The following TLK2 variants were observed in gnomAD, a reference collection of about 807,000 sequenced individuals.
TLK2 encodes tousled like kinase 2, also known as serine/threonine-protein kinase tousled-like 2.
Under a neutral mutation model 117.3 loss-of-function variants are expected in TLK2, and 6 were observed. That is an observed-to-expected ratio of 0.05 (90% CI 0.03 to 0.10). The LOEUF is 0.10. Ranked by LOEUF, TLK2 falls within the 10% of genes least tolerant of loss-of-function variation. The pLI is 1.00. For synonymous variants in TLK2, 257 were observed against 316.7 expected (o/e 0.81, Z 2.00); for missense variants, 299 against 901.2 (o/e 0.33, Z 8.56).
chr17:62,594,789 TACACACACACACACACACACACACACAC>T (rs143695451), intron 16 of TLK2, among the ~76,000 whole-genome samples: 1 of 145,422 alleles, frequency 6.9e-6, no homozygotes. Context: ...GCAGGGCGGG[TACACACACACACACACACACACACACAC>T]ACACACACAC....
At chr17:62,568,767 TAG>T (rs1339803894) in intron 11 of TLK2, among the ~76,000 whole-genome samples, 4 of 151,888 alleles carry the variant, frequency 2.6e-5, no homozygotes, top group Non-Finnish European at 5.9e-5. Context: ...GTATTTTTAG[TAG>T]AGACGGGGTT....
At chr17:62,585,523 G>GCGAGACTC (rs2081549565) in intron 15 of TLK2, 1 of 152,398 alleles carries the variant, frequency 6.6e-6, no homozygotes, top group Non-Finnish European at 1.5e-5. Flanking sequence ...GGGCGACAGA[G>GCGAGACTC]CGAGACTCCG....
rs534202077 is a variant in TLK2, at chr17:62,540,400, A to ATT, written c.531+4085_531+4086dup. 2.4e-3 allele frequency among the ~76,000 whole-genome samples: 48 copies of ATT among 19,988 alleles called. 7 individuals carry two copies. In the East Asian group the frequency reaches 0.11, roughly 44 times the overall value. 13.1% of individuals were successfully genotyped at this position (19,988 alleles called of 152,430 possible). The stretch of plus-strand genomic sequence containing the variant: ...ATTTTACCTTCAAAATATGTTCAGA[A>ATT]TTTTTTTTTTTTTTTTTTTTTTTGA... On this transcript the variant is annotated intron_variant, in intron 7 of 21. Transcript: ENST00000346027.
chr17:62,504,978 G>C (rs2074546922), intron 2 of TLK2, among the ~76,000 whole-genome samples: 1 of 152,060 alleles, frequency 6.6e-6, no homozygotes, highest in Admixed American at 6.6e-5. Context: ...TGAATAGCTG[G>C]GACTACAGGC....
In TLK2 at chr17:62,600,593, G is replaced by A. The variant is rs560266696; in HGVS notation, c.1551-58G>A. On this transcript the variant is annotated intron_variant, in intron 17 of 21. Coordinates refer to ENST00000346027, the MANE Select transcript of TLK2 (RefSeq NM_006852.6). ...AAGTTTTCACATGGGACTAATTTAG[G>A]TAGTGTTAATCTGCTTGCTCTTATT... The A allele has an allele frequency of 1.6e-3, 2,256 of 1,450,904 alleles. 56 individuals are homozygous for A. In the South Asian group the frequency reaches 0.03, roughly 19 times the overall value. 89.9% of individuals were successfully genotyped at this position (1,450,904 alleles called of 1,614,324 possible).
rs2078240622 is a variant in TLK2 at position 62,549,419 on chromosome 17, A to AAAAAAAAAAAAAAAAAAGT, written c.532-2866_532-2865insGTAAAAAAAAAAAAAAAAA. Reference sequence around the variant, plus strand: ...ATCTCAAAAAAAAAAAAAAAAAAAAAAAAAAAAAAAAAAAAAAATAGAAAC... The same window carrying AAAAAAAAAAAAAAAAAAGT: ...ATCTCAAAAAAAAAAAAAAAAAAAAAAAAAAAAAAAAAAAAAAGTAAAAAAAAAAAAAAAAAATAGAAAC... On this transcript the variant is annotated intron_variant, in intron 7 of 21. Transcript: ENST00000346027. 6.4e-4 allele frequency among the ~76,000 whole-genome samples: 5 copies of AAAAAAAAAAAAAAAAAAGT among 7,760 alleles called. 1 individual carries two copies. The highest frequency in any genetic ancestry group is 9.6e-4 in the Non-Finnish European group (2 of 2,094). The allele number at this position is 7,760 out of a possible 152,430, so 5.1% of individuals were successfully genotyped here.
At chr17:62,475,475 T>A (rs778388015), upstream of TLK2, among the ~76,000 whole-genome samples, 1 of 152,046 alleles carries the variant, frequency 6.6e-6, no homozygotes, top group East Asian at 1.9e-4. Flanking sequence ...CCCGACTAGC[T>A]GGGATTACAG....
chr17:62,508,276 G>A (rs543651966), intron 2 of TLK2: 1 of 265,834 alleles, frequency 3.8e-6, no homozygotes, highest in Non-Finnish European at 5.6e-6. Flanking sequence ...CTATTATATA[G>A]CAAATGACAA....
intron 6 of TLK2, among the ~76,000 whole-genome samples, chr17:62,535,035 C>T (rs1360735059): frequency 6.6e-6 from 1 of 151,826 alleles, no homozygotes; most frequent in Non-Finnish European, 1.5e-5. Context: ...ATTACAGGTG[C>T]CCACGACCAC....
chr17:62,517,065 C>G lies in TLK2; in HGVS notation c.82-3708C>G, dbSNP rs1429821508. On this transcript the variant is annotated intron_variant, in intron 2 of 21. Transcript: ENST00000346027. The stretch of plus-strand genomic sequence containing the variant: ...GGATTACAGGCGTGTGTCACCATGC[C>G]CAGCTAATTTTTGTATTTTTAGTAG... Among the ~76,000 whole-genome samples the G allele has an allele frequency of 3.3e-5, 5 of 152,158 alleles. No individual in the cohort carries two copies. In the East Asian group the frequency reaches 5.8e-4, roughly 18 times the overall value.
intron 2 of TLK2, among the ~76,000 whole-genome samples, chr17:62,503,069 T>C (rs1185839153): frequency 6.9e-6 from 1 of 145,954 alleles, no homozygotes; most frequent in Non-Finnish European, 1.5e-5. Context: ...TTTTTTTTTT[T>C]TTTTTTTTGA....
chr17:62,559,921 A>G, intron 9 of TLK2, 95 bp from the exon 10 acceptor site: 1 of 823,792 alleles, frequency 1.2e-6, no homozygotes. Context: ...TTGATAAAAC[A>G]ACATATAGAA....
At chr17:62,526,541 T>C (rs187103617) in intron 6 of TLK2, among the ~76,000 whole-genome samples, 1 of 152,350 alleles carries the variant, frequency 6.6e-6, no homozygotes. Context: ...GCCCTTCACA[T>C]GGGGTCTGGT....
chr17:62,576,051 A>G (rs1364713746), intron 12 of TLK2, among the ~76,000 whole-genome samples: 1 of 152,230 alleles, frequency 6.6e-6, no homozygotes, highest in Non-Finnish European at 1.5e-5. Flanking sequence ...GAAACACATG[A>G]CTACCCATCA....
chr17:62,501,773 A>G (rs1446279463), intron 2 of TLK2, among the ~76,000 whole-genome samples: 1 of 152,114 alleles, frequency 6.6e-6, no homozygotes. Context: ...CAGCCTGGGC[A>G]ATATAGCGAG....
At chr17:62,549,536 A>G (rs2078273630) in intron 7 of TLK2, among the ~76,000 whole-genome samples, 1 of 151,466 alleles carries the variant, frequency 6.6e-6, no homozygotes, top group Non-Finnish European at 1.5e-5. Context: ...GTGCATTATA[A>G]TACTTGAGGT....
At chr17:62,530,638 A>C (rs993889737) in intron 6 of TLK2, among the ~76,000 whole-genome samples, 7 of 152,096 alleles carry the variant, frequency 4.6e-5, no homozygotes, top group African/African-American at 1.7e-4. Flanking sequence ...TGGTCTCATA[A>C]AATATTACTG....
chr17:62,587,785 T>C (rs2081738203), intron 16 of TLK2, among the ~76,000 whole-genome samples: 1 of 152,042 alleles, frequency 6.6e-6, no homozygotes, highest in African/African-American at 2.4e-5. Context: ...TGGCACACCG[T>C]AGTGAGTGCC....
At chr17:62,603,524 ATCT>A (rs2083029443) in intron 19 of TLK2, among the ~76,000 whole-genome samples, 1 of 151,682 alleles carries the variant, frequency 6.6e-6, no homozygotes, top group East Asian at 1.9e-4. Context: ...TTTGTGTTTG[ATCT>A]TTTTTTTTTT....
Sources: allele counts gnomAD v4.1 joint callset (sites outside exome capture counted in the v4.1 genomes callset), GRCh38; gene constraint gnomAD v4.1.1; transcripts MANE v1.5; gene names NCBI Gene and HGNC (gene_info 2026-07-23, HGNC 2026-07-21).